The following GPR155 variants were observed in gnomAD, a reference collection of about 807,000 sequenced individuals.
The protein encoded by GPR155 is lysosomal cholesterol signaling protein.
A neutral mutation model predicts 93.1 loss-of-function variants in GPR155; 65 were observed. The ratio of observed to expected loss-of-function variants is 0.70; its 90% CI spans 0.57 to 0.86. GPR155 has a LOEUF of 0.86. GPR155 is among the 40% of genes least tolerant of loss of function. GPR155 has a pLI of 0.00. For synonymous variants in GPR155, 319 were observed against 360.1 expected (o/e 0.89, Z 1.29); for missense variants, 838 against 1,034.8 (o/e 0.81, Z 2.61).
chr2:174,476,510 A>G (rs2105734107), intron 2 of GPR155, among the ~76,000 whole-genome samples: 1 of 152,292 alleles, frequency 6.6e-6, no homozygotes, highest in African/African-American at 2.4e-5. Context: ...AGGCTGAGGC[A>G]GGATAATTGC....
At chr2:174,457,847 C>T (rs1443162795) in intron 10 of GPR155, among the ~76,000 whole-genome samples, 10 of 152,170 alleles carry the variant, frequency 6.6e-5, no homozygotes, top group African/African-American at 1.7e-4. Context: ...ACCTCCTGGG[C>T]TCAAGCAATC....
At position 174,435,838 on chromosome 2, in the gene GPR155, C is replaced by T. The variant is rs1574686721; in HGVS notation, c.*278G>A. 1.3e-5 allele frequency: 4 copies of T among 319,914 alleles called. No homozygotes were observed. The highest frequency in any genetic ancestry group is 2.1e-5 in the African/African-American group (1 of 47,318). The allele number at this position is 319,914 out of a possible 1,614,324, so 19.8% of individuals were successfully genotyped here. On this transcript the variant is annotated 3_prime_UTR_variant, in exon 16 of 16. Transcript: ENST00000392552. ...TTGGGATCTTCAGGAGTCCTGGAAC[C>T]AATCCCCTTGGATACTAAAGGATGA...
intron 15 of GPR155, among the ~76,000 whole-genome samples, chr2:174,438,302 G>A (rs554538341): frequency 6.6e-6 from 1 of 152,192 alleles, no homozygotes; most frequent in Admixed American, 6.5e-5. Context: ...ACACTGTACA[G>A]GCTGTAGAGC....
At chr2:174,480,380 G>A (rs145488585) in intron 2 of GPR155, among the ~76,000 whole-genome samples, 3 of 152,254 alleles carry the variant, frequency 2.0e-5, no homozygotes, top group East Asian at 1.9e-4. Flanking sequence ...CCACTGGTAC[G>A]AAACAGTTCC....
At chr2:174,482,104 C>T in intron 1 of GPR155, 117 bp from the exon 2 acceptor site, 2 of 593,528 alleles carry the variant, frequency 3.4e-6, no homozygotes, top group Non-Finnish European at 6.0e-6. Context: ...TATACATACC[C>T]CTAGATTTAT....
At chr2:174,478,548 C>T (rs1219317049) in intron 2 of GPR155, among the ~76,000 whole-genome samples, 1 of 152,182 alleles carries the variant, frequency 6.6e-6, no homozygotes, top group Non-Finnish European at 1.5e-5. Context: ...ATGCACTATT[C>T]TGTTACTGGA....
chr2:174,468,955 T>G lies in GPR155; in HGVS notation c.1139A>C (p.Gln380Pro), dbSNP rs1687915275. 1.1e-5 allele frequency: 18 copies of G among 1,613,908 alleles called. No individual in the cohort carries two copies. Among genetic ancestry groups the G allele is most frequent in the Non-Finnish European group, 1.4e-5 (16 of 1,179,928 alleles). Residue 380 changes from glutamine to proline, a missense_variant, in exon 5 of 16, where the codon CAG becomes CCG. Gln to Pro is a moderately conservative substitution (Grantham distance 76). This residue lies in a region of GPR155 where 663 missense variants were observed against 790.1 expected (regional missense o/e 0.84). Transcript: ENST00000392552. ...AATACTTATATCAAAACTAACATTC[T>G]GGATGGCATATGCCAATGGCTTAGG... The part of the protein sequence containing the change: ...MDPKPLAYAI[Q>P]NVSFDISIVS...
chr2:174,475,501 T>G lies in GPR155; in HGVS notation c.461-2137A>C, dbSNP rs562171550. On this transcript the variant is annotated intron_variant, in intron 2 of 15. Transcript: ENST00000392552. ...TTTTCATAAAAGCTAAAACCTATTT[T>G]TTTTTAACAGATTCAATCCCCATTT... Among the ~76,000 whole-genome samples, 73 of 152,030 alleles carry G rather than the reference T, an allele frequency of 4.8e-4. 1 individual carries two copies. In the South Asian group the frequency reaches 0.015, roughly 31 times the overall value.
At chr2:174,449,096 T>C (rs1687242564) in intron 11 of GPR155, among the ~76,000 whole-genome samples, 2 of 152,046 alleles carry the variant, frequency 1.3e-5, no homozygotes, top group Admixed American at 6.6e-5. Flanking sequence ...CAGACACTTC[T>C]CAAAGAAGAC....
chr2:174,448,452 G>A (rs1296566569), intron 11 of GPR155, among the ~76,000 whole-genome samples: 4 of 151,366 alleles, frequency 2.6e-5, no homozygotes, highest in African/African-American at 7.3e-5. Flanking sequence ...CGACCTTTGG[G>A]AAGAATTTAT....
intron 7 of GPR155, among the ~76,000 whole-genome samples, chr2:174,465,576 G>T (rs1687814871): frequency 6.6e-6 from 1 of 152,200 alleles, no homozygotes; most frequent in Admixed American, 6.5e-5. Flanking sequence ...CCATGTGACT[G>T]GACAAGGCTC....
Position 174,477,342 on chromosome 2 carries a change from C to G in GPR155, c.461-3978G>C, listed in dbSNP as rs538573905. Among the ~76,000 whole-genome samples the G allele has an allele frequency of 2.6e-5, 4 of 152,116 alleles. No homozygotes were observed. In the East Asian group the frequency reaches 7.7e-4, roughly 29 times the overall value. ...CACAAAATCTATTCTCAGCAATTTT[C>G]AAGAATATGTTGTTATTAACCATCG... On this transcript the variant is annotated intron_variant, in intron 2 of 15. Coordinates refer to ENST00000392552, the MANE Select transcript of GPR155 (RefSeq NM_152529.7).
chr2:174,465,658 G>A lies in GPR155; in HGVS notation c.1384+127C>T, dbSNP rs1291304956. The A allele has an allele frequency of 1.6e-5, 9 of 545,480 alleles. No homozygotes were observed. In the Admixed American group the frequency reaches 2.9e-4, roughly 18 times the overall value. 33.8% of individuals were successfully genotyped at this position (545,480 alleles called of 1,614,324 possible). On this transcript the variant is annotated intron_variant, in intron 7 of 15. Transcript: ENST00000392552. ...TGCCGATGGCCTCTGTGGGTGGGCT[G>A]ATCTGCCTCAGTGCATGCCTTGATC...
At chr2:174,463,638 T>A (rs1687763319) in intron 7 of GPR155, among the ~76,000 whole-genome samples, 2 of 152,296 alleles carry the variant, frequency 1.3e-5, no homozygotes, top group South Asian at 4.1e-4. Flanking sequence ...CATATGGAAG[T>A]AAAGGCAAGG....
rs1156880980 is a variant in GPR155 at position 174,461,445 on chromosome 2, T to C, written c.1517A>G (p.Asn506Ser). The change falls in exon 9 of 16, where the codon AAT (asparagine) becomes AGT (serine). Residue 506 changes from asparagine (N) to serine (S), a missense_variant. Around this residue, in one of 3 missense-constraint regions of GPR155, gnomAD observed 663 missense variants for 790.1 expected, o/e 0.84. Coordinates refer to ENST00000392552, the MANE Select transcript of GPR155 (RefSeq NM_152529.7). ...GAAGGCTGAGTCAATGCTATCTCCA[T>C]TGTGTTTTCCAGTTATCAAAAGAAC... ...VGVLLITGKHNGDSIDSAFFY... is the reference protein window; with the variant it reads ...VGVLLITGKHSGDSIDSAFFY... 1.2e-6 allele frequency: 2 copies of C among 1,613,616 alleles called. No individual in the cohort carries two copies. Among genetic ancestry groups the C allele is most frequent in the South Asian group, 2.2e-5 (2 of 91,066 alleles).
At chr2:174,451,301 G>A (rs1325505370) in intron 11 of GPR155, among the ~76,000 whole-genome samples, 1 of 139,450 alleles carries the variant, frequency 7.2e-6, no homozygotes, top group Non-Finnish European at 1.6e-5. Flanking sequence ...ATGACAGAGC[G>A]AGACTCCATC....
rs555059495 is a variant in GPR155, at chr2:174,449,153, A to G, written c.1877-2406T>C. 3.7e-4 allele frequency among the ~76,000 whole-genome samples: 57 copies of G among 152,336 alleles called. No homozygotes were observed. In the South Asian group the frequency reaches 0.012, roughly 31 times the overall value. ...GAAAAAATGCTGCACATCACTAATC[A>G]TCAGAGAAATCAAAACCACAATGAG... On this transcript the variant is annotated intron_variant, in intron 11 of 15. Coordinates refer to ENST00000392552, the MANE Select transcript of GPR155 (RefSeq NM_152529.7).
intron 7 of GPR155, among the ~76,000 whole-genome samples, 165 bp downstream of exon 7, chr2:174,465,620 C>G (rs757048079): frequency 6.6e-6 from 1 of 152,200 alleles, no homozygotes; most frequent in Non-Finnish European, 1.5e-5. Flanking sequence ...CATTAGGAAA[C>G]AGAACTCAGC....
In GPR155 at chr2:174,472,978, T is replaced by C. The variant is rs1397451454; in HGVS notation, c.847A>G (p.Ile283Val). Residue 283 changes from isoleucine (I) to valine (V), a missense_variant, in exon 3 of 16, where the codon ATC becomes GTC. Physicochemically the swap from Ile to Val is conservative, Grantham distance 29 (BLOSUM62 3). Transcript: ENST00000392552. ...KSAFVVLILL[I>V]TAKLLVLPLL... ...AGTGATGCTTACAGTTTAGCTGTGA[T>C]GAGAAGAATTAGTACTACAAATGCC... 1 of 1,584,250 alleles carries C rather than the reference T, an allele frequency of 6.3e-7. No individual in the cohort carries two copies. Among genetic ancestry groups the C allele is most frequent in the Non-Finnish European group, 8.5e-7 (1 of 1,173,048 alleles).
Sources: gnomAD v4.1 joint callset for allele counts (sites outside exome capture counted in the v4.1 genomes callset) on GRCh38, gnomAD v4.1.1 for gene constraint, gnomAD v4.1.1 regional missense constraint, MANE v1.5 for transcripts, NCBI Gene and HGNC (gene_info 2026-07-23, HGNC 2026-07-21) for gene names.